Variants in ADGRE2 observed in about 807,000 individuals in gnomAD.
ADGRE2 encodes the protein adhesion G protein-coupled receptor E2.
In ADGRE2, 83 loss-of-function variants were observed where a neutral mutation model predicts 100.8. The observed-to-expected ratio is 0.82, with a 90% CI of 0.69 to 0.99. ADGRE2 has a LOEUF of 0.99. ADGRE2 is among the 50% of genes least tolerant of loss of function. The probability of loss-of-function intolerance (pLI) is 0.00; values close to 1 mark genes in which losing one functional copy is unlikely to be tolerated. For missense variants in ADGRE2, 814 were observed against 1,035.7 expected (o/e 0.79, Z 2.94); for synonymous variants, 355 against 413.0 (o/e 0.86, Z 1.70).
chr19:14,773,495 C>T (rs2044301298), intron 4 of ADGRE2, among the ~76,000 whole-genome samples: 1 of 150,194 alleles, frequency 6.7e-6, no homozygotes, highest in African/African-American at 2.5e-5. Flanking sequence ...TGAGCCACCA[C>T]ACCTGGCCTC....
At chr19:14,752,257 T>G in intron 15 of ADGRE2, 72 bp downstream of exon 15, 3 of 1,568,802 alleles carry the variant, frequency 1.9e-6, no homozygotes, top group South Asian at 2.3e-5. Flanking sequence ...AGGAATCAAA[T>G]GCCGCATCAT....
intron 16 of ADGRE2, among the ~76,000 whole-genome samples, chr19:14,747,836 C>CT (rs1466057602): frequency 6.6e-6 from 1 of 152,132 alleles, no homozygotes; most frequent in Non-Finnish European, 1.5e-5. Flanking sequence ...TGAATGGTCT[C>CT]TTAACGTTCC....
intron 11 of ADGRE2, among the ~76,000 whole-genome samples, chr19:14,756,862 A>G (rs1359130730): frequency 6.6e-6 from 1 of 152,266 alleles, no homozygotes; most frequent in African/African-American, 2.4e-5. Context: ...CAAAAATGTT[A>G]GGAATACATT....
At chr19:14,739,522 G>C (rs140466766) in intron 20 of ADGRE2, among the ~76,000 whole-genome samples, 4 of 152,076 alleles carry the variant, frequency 2.6e-5, no homozygotes, top group Non-Finnish European at 5.9e-5. Context: ...GGGGTGAAAG[G>C]GTGATAAATA....
chr19:14,748,258 A>T (rs2043151719), intron 16 of ADGRE2, among the ~76,000 whole-genome samples: 1 of 152,128 alleles, frequency 6.6e-6, no homozygotes, highest in African/African-American at 2.4e-5. Flanking sequence ...GCATTAATTC[A>T]CTTAGAATAA....
chr19:14,741,206 T>C (rs1377245051), intron 20 of ADGRE2, among the ~76,000 whole-genome samples: 1 of 150,100 alleles, frequency 6.7e-6, no homozygotes, highest in Non-Finnish European at 1.5e-5. Flanking sequence ...AAGCAATTCT[T>C]GTGCCTCAGC....
intron 18 of ADGRE2, among the ~76,000 whole-genome samples, chr19:14,744,541 T>C (rs2524381): frequency 0.77 from 116,228 of 151,462 alleles, 45,347 homozygotes; most frequent in African/African-American, 0.9. Flanking sequence ...CTGCAACCTC[T>C]GCCTCCCAGG....
chr19:14,771,912 T>G, intron 5 of ADGRE2: 1 of 166,780 alleles, frequency 6.0e-6, no homozygotes, highest in Non-Finnish European at 1.3e-5. Flanking sequence ...GTGCTGGGAT[T>G]ACAGTGCATA....
chr19:14,755,867 C>T lies in ADGRE2; in HGVS notation c.1203G>A (p.Val401=). 6.2e-7 allele frequency: 1 copy of T among 1,613,906 alleles called. No individual in the cohort carries two copies. Among genetic ancestry groups the T allele is most frequent in the Non-Finnish European group, 8.5e-7 (1 of 1,179,996 alleles). The change falls in exon 13 of 21, where the codon GTG becomes GTA. Residue 401 remains valine (V), a synonymous_variant. Coordinates refer to ENST00000315576, the MANE Select transcript of ADGRE2 (RefSeq NM_013447.4). ...AQKSGDPGPS[V]VGLVSIPGMG... ...TCCCTGGAATGGAGACAAGGCCCAC[C>T]ACAGAAGGGCCTGCAGGGCGAGGCC...
chr19:14,761,568 T>C (rs2043724591), intron 11 of ADGRE2, among the ~76,000 whole-genome samples: 2 of 151,876 alleles, frequency 1.3e-5, no homozygotes, highest in Admixed American at 1.3e-4. Flanking sequence ...TTTTTTTTTT[T>C]CTAACAAAGA....
intron 11 of ADGRE2, among the ~76,000 whole-genome samples, chr19:14,760,550 G>A (rs878911061): frequency 1.8e-4 from 27 of 151,362 alleles, no homozygotes; most frequent in Admixed American, 5.9e-4. Context: ...AAGAACTGAA[G>A]ACAGTTATTC....
intron 11 of ADGRE2, among the ~76,000 whole-genome samples, chr19:14,763,770 C>T (rs1406054902): frequency 7.6e-6 from 1 of 131,268 alleles, no homozygotes; most frequent in Non-Finnish European, 1.6e-5. Flanking sequence ...CCTCCTCCTC[C>T]TCTCCTCCTC....
Position 14,755,685 on chromosome 19 carries a change from C to G in ADGRE2, c.1385G>C (p.Ser462Thr), listed in dbSNP as rs367571896. The change falls in exon 13 of 21, where the codon AGC (serine) becomes ACC (threonine). Residue 462 changes from serine to threonine, a missense_variant. Ser to Thr is a moderately conservative substitution (Grantham distance 58). This residue lies in a region of ADGRE2 where 569 missense variants were observed against 692.7 expected (regional missense o/e 0.82). Coordinates refer to ENST00000315576, the MANE Select transcript of ADGRE2 (RefSeq NM_013447.4). Reference protein sequence around the residue: ...FLSNNDTQNLSSPVTFTFSHR... With the variant: ...FLSNNDTQNLTSPVTFTFSHR... ...GGAGAAGGTGAAGGTAACTGGGGAG[C>G]TGAGGTTTTGGGTGTCGTTGTTGCT... 17 of 1,614,202 alleles carry G rather than the reference C, an allele frequency of 1.1e-5. No individual in the cohort carries two copies. The highest frequency in any genetic ancestry group is 1.4e-5 in the Non-Finnish European group (17 of 1,180,038).
intron 11 of ADGRE2, among the ~76,000 whole-genome samples, chr19:14,757,605 A>G (rs1367201421): frequency 6.6e-6 from 1 of 152,156 alleles, no homozygotes; most frequent in East Asian, 1.9e-4. Context: ...ACAATGGGGG[A>G]AAGAATAATC....
chr19:14,730,344 C>T (rs79600842), downstream of ADGRE2, among the ~76,000 whole-genome samples: 35,829 of 152,034 alleles, frequency 0.24, 4,347 homozygotes, highest in Non-Finnish European at 0.26. Flanking sequence ...TGTGAACCAC[C>T]GTGCCCGGCC....
chr19:14,773,640 T>G (rs763547366), intron 4 of ADGRE2, among the ~76,000 whole-genome samples: 1 of 152,116 alleles, frequency 6.6e-6, no homozygotes, highest in South Asian at 2.1e-4. Context: ...GTCTTCTGAG[T>G]AGCTGGGACT....
chr19:14,733,206 G>A lies in ADGRE2; in HGVS notation c.*3030C>T, dbSNP rs982681751. On this transcript the variant is annotated 3_prime_UTR_variant, in exon 21 of 21. Transcript: ENST00000315576. The stretch of plus-strand genomic sequence containing the variant: ...GGCATGGAGGTTGAGGATCAGGAGT[G>A]ACTTGAGGGTACTGACTGGCAGAGC... 6.6e-6 allele frequency: 1 copy of A among 152,198 alleles called. No homozygotes were observed. The highest frequency in any genetic ancestry group is 1.5e-5 in the Non-Finnish European group (1 of 68,040). The allele number at this position is 152,198 out of a possible 1,614,324, so 9.4% of individuals were successfully genotyped here. A position where few individuals can be genotyped will look rare whatever the true frequency, so the allele number is the denominator to read the frequency against.
chr19:14,725,148 T>A, the ADGRE2 span, among the ~76,000 whole-genome samples: 4 of 152,052 alleles, frequency 2.6e-5, no homozygotes, highest in East Asian at 7.7e-4. Flanking sequence ...ATGATGAGAA[T>A]GGGAGCGAGC....
Position 14,769,217 on chromosome 19 carries a change from C to A in ADGRE2, c.356-2108G>T, listed in dbSNP as rs1026514940. 1.8e-4 allele frequency among the ~76,000 whole-genome samples: 4 copies of A among 22,650 alleles called. No homozygotes were observed. In the East Asian group the frequency reaches 3.3e-3, roughly 18 times the overall value. 14.9% of individuals were successfully genotyped at this position (22,650 alleles called of 152,430 possible). ...CCAGCCTGGACAACATGGTGAGACA[C>A]CCCCCCCCCATCTTTACTAATAAAA... On this transcript the variant is annotated intron_variant, in intron 5 of 20. Transcript: ENST00000315576.
Sources: gnomAD v4.1 joint callset for allele counts (sites outside exome capture counted in the v4.1 genomes callset) on GRCh38, gnomAD v4.1.1 for gene constraint, gnomAD v4.1.1 regional missense constraint, MANE v1.5 for transcripts, NCBI Gene and HGNC (gene_info 2026-07-23, HGNC 2026-07-21) for gene names.